The following LONRF1 variants were observed in gnomAD, a reference collection of about 807,000 sequenced individuals.
LONRF1 encodes LON peptidase N-terminal domain and RING finger protein 1.
Under a neutral mutation model 85.8 loss-of-function variants are expected in LONRF1, and 37 were observed. That is an observed-to-expected ratio of 0.43 (90% CI 0.33 to 0.57). LONRF1 has a LOEUF of 0.57. Ranked by LOEUF, LONRF1 falls within the 20% of genes least tolerant of loss-of-function variation. The probability of loss-of-function intolerance (pLI) is 0.04; values close to 1 mark genes in which losing one functional copy is unlikely to be tolerated. For missense variants in LONRF1, 1,036 were observed against 978.0 expected (o/e 1.06, Z -0.79); for synonymous variants, 517 against 390.1 (o/e 1.33, Z -3.83).
chr8:12,744,235 T>A (rs922452846), intron 1 of LONRF1, among the ~76,000 whole-genome samples: 2 of 152,204 alleles, frequency 1.3e-5, no homozygotes, highest in African/African-American at 4.8e-5. Flanking sequence ...ACTCTAGTTT[T>A]TAGATGATTG....
intron 1 of LONRF1, among the ~76,000 whole-genome samples, chr8:12,747,754 CT>C (rs1472565572): frequency 0.015 from 218 of 14,928 alleles, 2 homozygotes; most frequent in Admixed American, 0.033. Context: ...TGAAATCTCT[CT>C]CTTTTTTTTT....
At chr8:12,754,548 C>T in intron 1 of LONRF1, 152 bp downstream of exon 1, 2 of 878,944 alleles carry the variant, frequency 2.3e-6, no homozygotes, top group Non-Finnish European at 3.0e-6. Flanking sequence ...CCCTCCCACA[C>T]CCCCCAGCAC....
intron 10 of LONRF1, chr8:12,727,117 A>ATGTTT (rs1554460299): frequency 1.5e-5 from 1 of 68,908 alleles, no homozygotes; most frequent in Non-Finnish European, 3.3e-5. Context: ...GCCTTGTTAA[A>ATGTTT]TCTTTTTTTT....
chr8:12,731,404 C>T (rs1196652886), intron 8 of LONRF1, among the ~76,000 whole-genome samples: 2 of 152,166 alleles, frequency 1.3e-5, no homozygotes, highest in African/African-American at 2.4e-5. Context: ...TGCCCTACCA[C>T]GACACATGAG....
In LONRF1 at chr8:12,722,887, C is replaced by T. The variant is rs1011391310; in HGVS notation, c.*209G>A. 5 of 495,074 alleles carry T rather than the reference C, an allele frequency of 1.0e-5. No homozygotes were observed. In the East Asian group the frequency reaches 1.7e-4, roughly 17 times the overall value. The allele number at this position is 495,074 out of a possible 1,614,324, so 30.7% of individuals were successfully genotyped here. On this transcript the variant is annotated 3_prime_UTR_variant, in exon 12 of 12. Coordinates refer to ENST00000398246, the MANE Select transcript of LONRF1 (RefSeq NM_152271.5). Reference sequence around the variant, plus strand: ...ACAATGTAGAGGTTCGACACACATTCAATGCGTGTTTTTCTGTGCAAGTTC... The same window carrying T: ...ACAATGTAGAGGTTCGACACACATTTAATGCGTGTTTTTCTGTGCAAGTTC...
At chr8:12,747,997 T>TC (rs1799233215) in intron 1 of LONRF1, among the ~76,000 whole-genome samples, 4 of 152,200 alleles carry the variant, frequency 2.6e-5, no homozygotes, top group African/African-American at 9.7e-5. Context: ...CTGCTTTTTT[T>TC]CCCATGTAAT....
rs1232395781 is a variant in LONRF1, at chr8:12,722,854, G to A, written c.*242C>T. The A allele has an allele frequency of 7.3e-6, 3 of 409,318 alleles. No individual in the cohort carries two copies. The highest frequency in any genetic ancestry group is 6.5e-5 in the South Asian group (2 of 30,668). The allele number at this position is 409,318 out of a possible 1,614,324, so 25.4% of individuals were successfully genotyped here. A position where few individuals can be genotyped will look rare whatever the true frequency, so the allele number is the denominator to read the frequency against. On this transcript the variant is annotated 3_prime_UTR_variant, in exon 12 of 12. Coordinates refer to ENST00000398246, the MANE Select transcript of LONRF1 (RefSeq NM_152271.5). ...TTCATTTTAGAGTATGGTACATAGT[G>A]CAACTTCACAATGTAGAGGTTCGAC... is the stretch of plus-strand genomic sequence containing the variant.
intron 1 of LONRF1, among the ~76,000 whole-genome samples, chr8:12,751,301 T>TTTTTTGTTTGTTTTG (rs1460930981): frequency 6.0e-4 from 54 of 89,282 alleles, no homozygotes; most frequent in African/African-American, 1.8e-3. Flanking sequence ...TTTATGTTTT[T>TTTTTTGTTTGTTTTG]TTTTTTTTTT....
chr8:12,750,549 C>T (rs374530661), intron 1 of LONRF1, among the ~76,000 whole-genome samples: 1 of 152,278 alleles, frequency 6.6e-6, no homozygotes, highest in Admixed American at 6.5e-5. Context: ...CATACTGTAC[C>T]ATGTGGGTAA....
At chr8:12,751,046 T>A (rs569646336) in intron 1 of LONRF1, among the ~76,000 whole-genome samples, 90 of 152,182 alleles carry the variant, frequency 5.9e-4, no homozygotes, top group African/African-American at 2.2e-3. Flanking sequence ...AAAACACAGA[T>A]AGGTTAGGCA....
intron 1 of LONRF1, among the ~76,000 whole-genome samples, chr8:12,744,631 G>C (rs1309389353): frequency 6.6e-6 from 1 of 152,156 alleles, no homozygotes; most frequent in Non-Finnish European, 1.5e-5. Context: ...ACAGCATCAT[G>C]CAATACTGAC....
chr8:12,745,791 T>C (rs1217074329), intron 1 of LONRF1, among the ~76,000 whole-genome samples: 1 of 152,214 alleles, frequency 6.6e-6, no homozygotes, highest in Non-Finnish European at 1.5e-5. Flanking sequence ...TTTGGGTTAA[T>C]TGTATTGAAT....
intron 7 of LONRF1, among the ~76,000 whole-genome samples, chr8:12,733,850 A>G (rs184471170): frequency 2.0e-5 from 3 of 152,322 alleles, no homozygotes; most frequent in Admixed American, 6.5e-5. Flanking sequence ...TTTTTAAAGT[A>G]TATGTATTTT....
intron 1 of LONRF1, among the ~76,000 whole-genome samples, chr8:12,743,510 CTG>C (rs1332604812): frequency 2.0e-5 from 3 of 152,098 alleles, no homozygotes; most frequent in East Asian, 1.9e-4. Flanking sequence ...GTGGAGGAAA[CTG>C]TTTTCCAGAA....
In LONRF1 at chr8:12,736,738, T is replaced by C; in HGVS notation, c.1414A>G (p.Ile472Val). The change falls in exon 6 of 12, where the codon ATC becomes GTC. Residue 472 changes from isoleucine to valine, a missense_variant. Coordinates refer to ENST00000398246, the MANE Select transcript of LONRF1 (RefSeq NM_152271.5). Reference sequence around the variant, plus strand: ...GAACACTCGAAATCTGAGACATCGATTAATTCTTCTGGAATATCACCATAA... The same window carrying C: ...GAACACTCGAAATCTGAGACATCGACTAATTCTTCTGGAATATCACCATAA... ...LAYGDIPEEL[I>V]DVSDFECSLC... 6.2e-7 allele frequency: 1 copy of C among 1,611,756 alleles called. No homozygotes were observed. The highest frequency in any genetic ancestry group is 8.5e-7 in the Non-Finnish European group (1 of 1,178,944).
intron 1 of LONRF1, among the ~76,000 whole-genome samples, chr8:12,746,958 A>G (rs1325177918): frequency 6.6e-6 from 1 of 152,194 alleles, no homozygotes; most frequent in Non-Finnish European, 1.5e-5. Context: ...GTTTGCTATT[A>G]TGATTCTGTG....
chr8:12,751,676 C>G (rs992905160), intron 1 of LONRF1, among the ~76,000 whole-genome samples: 8 of 151,300 alleles, frequency 5.3e-5, no homozygotes, highest in African/African-American at 1.9e-4. Context: ...TATCACCCCC[C>G]CACCTTACAA....
At chr8:12,734,046 C>T (rs908280227) in intron 7 of LONRF1, among the ~76,000 whole-genome samples, 2 of 152,146 alleles carry the variant, frequency 1.3e-5, no homozygotes, top group Non-Finnish European at 2.9e-5. Context: ...ACCACAATTA[C>T]TTTTGCACCA....
At chr8:12,751,164 A>G (rs1319800555) in intron 1 of LONRF1, among the ~76,000 whole-genome samples, 1 of 152,180 alleles carries the variant, frequency 6.6e-6, no homozygotes, top group East Asian at 1.9e-4. Flanking sequence ...ATGTCTATCC[A>G]TAGATGCCTC....
Sources: gnomAD v4.1 joint callset for allele counts (sites outside exome capture counted in the v4.1 genomes callset) on GRCh38, gnomAD v4.1.1 for gene constraint, MANE v1.5 for transcripts, NCBI Gene and HGNC (gene_info 2026-07-23, HGNC 2026-07-21) for gene names.